Variants in IGSF11 observed in about 807,000 individuals in gnomAD.
IGSF11 encodes immunoglobulin superfamily member 11, also known as CXADR like 1.
In IGSF11, 22 loss-of-function variants were observed where a neutral mutation model predicts 41.0. The ratio of observed to expected loss-of-function variants is 0.54; its 90% CI spans 0.38 to 0.77. IGSF11 has a LOEUF of 0.77. Among genes scored for constraint, IGSF11 ranks in the 30% least tolerant of loss-of-function variants. The pLI, the probability that IGSF11 is intolerant of heterozygous loss-of-function variation, is 0.00. For synonymous variants in IGSF11, 219 were observed against 201.3 expected (o/e 1.09, Z -0.74); for missense variants, 444 against 530.8 (o/e 0.84, Z 1.61).
intron 1 of IGSF11, among the ~76,000 whole-genome samples, chr3:119,112,346 G>A (rs1465744696): frequency 1.3e-5 from 2 of 152,198 alleles, no homozygotes; most frequent in Non-Finnish European, 2.9e-5. Context: ...TTTGATCTCA[G>A]AGTGTTGTGC....
At chr3:119,132,764 A>G (rs139510794) in intron 1 of IGSF11, among the ~76,000 whole-genome samples, 1 of 152,330 alleles carries the variant, frequency 6.6e-6, no homozygotes, top group Non-Finnish European at 1.5e-5. Context: ...AATAGAATAT[A>G]CATTCTTCTC....
At chr3:118,907,409 C>T (rs1352509966) in intron 4 of IGSF11, among the ~76,000 whole-genome samples, 6 of 152,080 alleles carry the variant, frequency 3.9e-5, no homozygotes, top group Admixed American at 6.6e-5. Flanking sequence ...AGTATACACA[C>T]AATTACAATA....
intron 1 of IGSF11, among the ~76,000 whole-genome samples, chr3:119,021,387 C>A (rs1392999203): frequency 1.3e-5 from 2 of 151,952 alleles, no homozygotes; most frequent in Non-Finnish European, 2.9e-5. Context: ...AAAAAGACAA[C>A]AAAAGGAGGA....
chr3:119,112,748 C>CA (rs1250040349), intron 1 of IGSF11: 1 of 152,848 alleles, frequency 6.5e-6, no homozygotes, highest in African/African-American at 2.4e-5. Flanking sequence ...CTCCTCCCAC[C>CA]ATATGTCCTG....
intron 1 of IGSF11, among the ~76,000 whole-genome samples, chr3:119,025,929 A>C (rs1490530288): frequency 6.6e-6 from 1 of 152,122 alleles, no homozygotes; most frequent in Non-Finnish European, 1.5e-5. Flanking sequence ...GAAATACTAA[A>C]CTTCCATTAA....
At chr3:119,088,161 C>T (rs370369372) in intron 1 of IGSF11, among the ~76,000 whole-genome samples, 2 of 151,984 alleles carry the variant, frequency 1.3e-5, no homozygotes, top group East Asian at 1.9e-4. Context: ...AAGATTGACA[C>T]ATGCTCAGTC....
intron 1 of IGSF11, among the ~76,000 whole-genome samples, chr3:118,946,724 T>C (rs970780242): frequency 3.3e-5 from 5 of 152,170 alleles, no homozygotes; most frequent in African/African-American, 1.2e-4. Flanking sequence ...TATGACAAGG[T>C]AAAACAATAA....
chr3:119,144,854 T>G (rs188422685), intron 1 of IGSF11, among the ~76,000 whole-genome samples: 1 of 152,348 alleles, frequency 6.6e-6, no homozygotes, highest in Admixed American at 6.5e-5. Context: ...TACGCTTTCT[T>G]TTTTATATTT....
intron 1 of IGSF11, among the ~76,000 whole-genome samples, chr3:119,048,711 C>G (rs2107427613): frequency 6.6e-6 from 1 of 152,128 alleles, no homozygotes; most frequent in East Asian, 1.9e-4. Flanking sequence ...CAATTTTAGA[C>G]CAATATCCTT....
chr3:118,984,101 C>A (rs1182802585), intron 1 of IGSF11, among the ~76,000 whole-genome samples: 2 of 151,424 alleles, frequency 1.3e-5, no homozygotes, highest in Non-Finnish European at 2.9e-5. Context: ...TCTATAAAAT[C>A]TTTTTTCTTG....
At chr3:119,031,484 T>C (rs1480868702) in intron 1 of IGSF11, among the ~76,000 whole-genome samples, 1 of 152,118 alleles carries the variant, frequency 6.6e-6, no homozygotes, top group Non-Finnish European at 1.5e-5. Context: ...TCATTATAAA[T>C]CTCTCCACTA....
intron 1 of IGSF11, among the ~76,000 whole-genome samples, chr3:119,015,364 A>G (rs2107701920): frequency 6.6e-6 from 1 of 152,354 alleles, no homozygotes; most frequent in South Asian, 2.1e-4. Context: ...CAGGGGTGTC[A>G]GAGACAGAGA....
At chr3:119,015,038 A>G (rs1374200679) in intron 1 of IGSF11, among the ~76,000 whole-genome samples, 1 of 152,212 alleles carries the variant, frequency 6.6e-6, no homozygotes, top group Non-Finnish European at 1.5e-5. Flanking sequence ...AAACAGAACA[A>G]TTTTACTTTT....
At chr3:118,916,722 C>A (rs1375874107) in intron 4 of IGSF11, among the ~76,000 whole-genome samples, 3 of 151,856 alleles carry the variant, frequency 2.0e-5, no homozygotes, top group East Asian at 3.9e-4. Context: ...AACAAGGATA[C>A]CCAGGAATTG....
At chr3:119,116,825 T>C (rs2077261938) in intron 1 of IGSF11, among the ~76,000 whole-genome samples, 1 of 152,290 alleles carries the variant, frequency 6.6e-6, no homozygotes, top group African/African-American at 2.4e-5. Flanking sequence ...CTGACACCCA[T>C]GTCTCCACCT....
At chr3:119,146,001 C>T (rs1440720974) in exon 1 of IGSF11, 4 of 587,142 alleles carry the variant, frequency 6.8e-6, no homozygotes, top group Non-Finnish European at 1.2e-5. Context: ...CTCGCCTGCA[C>T]ACTGCAGGGT....
At chr3:119,004,494 C>A (rs1168891846) in intron 1 of IGSF11, among the ~76,000 whole-genome samples, 1 of 147,380 alleles carries the variant, frequency 6.8e-6, no homozygotes, top group Non-Finnish European at 1.5e-5. Context: ...TTATTTCTTG[C>A]CTTCTGCTAG....
intron 1 of IGSF11, among the ~76,000 whole-genome samples, chr3:118,999,701 T>C (rs781187816): frequency 6.6e-6 from 1 of 152,228 alleles, no homozygotes; most frequent in Non-Finnish European, 1.5e-5. Context: ...TTAAATCATA[T>C]ATTAAAATAA....
intron 1 of IGSF11, among the ~76,000 whole-genome samples, chr3:118,996,076 G>T (rs1185256000): frequency 6.6e-6 from 1 of 152,184 alleles, no homozygotes; most frequent in Non-Finnish European, 1.5e-5. Flanking sequence ...GAGCCACCAC[G>T]CATGGACAGC....
Sources: allele counts gnomAD v4.1 joint callset (sites outside exome capture counted in the v4.1 genomes callset), GRCh38; gene constraint gnomAD v4.1.1; transcripts MANE v1.5; gene names NCBI Gene and HGNC (gene_info 2026-07-23, HGNC 2026-07-21).